GULP1: variants seen among roughly 807,000 people sequenced by gnomAD.
The protein encoded by GULP1 is PTB domain-containing engulfment adapter protein 1.
A neutral mutation model predicts 40.9 loss-of-function variants in GULP1; 19 were observed. That is an observed-to-expected ratio of 0.46 (90% CI 0.32 to 0.68). The LOEUF is 0.68. Ranked by LOEUF, GULP1 falls within the 30% of genes least tolerant of loss-of-function variation. The pLI, the probability that GULP1 is intolerant of heterozygous loss-of-function variation, is 0.03. For missense variants in GULP1, 312 were observed against 362.2 expected (o/e 0.86, Z 1.12); for synonymous variants, 119 against 117.6 (o/e 1.01, Z -0.08).
At chr2:188,497,367 C>A (rs984121554) in intron 4 of GULP1, among the ~76,000 whole-genome samples, 90 of 152,016 alleles carry the variant, frequency 5.9e-4, no homozygotes, top group African/African-American at 2.1e-3. Flanking sequence ...GTCCAAACAA[C>A]AGGACATTAA....
intron 1 of GULP1, among the ~76,000 whole-genome samples, chr2:188,313,055 C>T (rs1318130975): frequency 6.6e-6 from 1 of 152,074 alleles, no homozygotes; most frequent in Non-Finnish European, 1.5e-5. Context: ...AAAATTTTCT[C>T]CCATTCTGTA....
intron 2 of GULP1, among the ~76,000 whole-genome samples, chr2:188,438,383 A>G (rs1198276909): frequency 6.6e-6 from 1 of 150,872 alleles, no homozygotes; most frequent in Non-Finnish European, 1.5e-5. Flanking sequence ...TGTATAGCAT[A>G]TATTATGTAT....
At chr2:188,394,391 T>A (rs1023539951) in intron 2 of GULP1, among the ~76,000 whole-genome samples, 1 of 152,126 alleles carries the variant, frequency 6.6e-6, no homozygotes, top group Non-Finnish European at 1.5e-5. Context: ...TGGGTTTTCT[T>A]TAAAATATCT....
chr2:188,575,253 G>T (rs1052451558), intron 9 of GULP1, among the ~76,000 whole-genome samples: 1 of 151,972 alleles, frequency 6.6e-6, no homozygotes, highest in Admixed American at 6.6e-5. Flanking sequence ...TTTTCATTTT[G>T]TCTCACTTGT....
At chr2:188,551,645 A>G (rs1693472869) in intron 7 of GULP1, among the ~76,000 whole-genome samples, 1 of 151,746 alleles carries the variant, frequency 6.6e-6, no homozygotes, top group South Asian at 2.1e-4. Context: ...TCAGTGCAGG[A>G]ATCCCTTTGA....
At chr2:188,421,998 T>C (rs562610316) in intron 2 of GULP1, among the ~76,000 whole-genome samples, 43 of 152,048 alleles carry the variant, frequency 2.8e-4, no homozygotes, top group African/African-American at 9.9e-4. Flanking sequence ...ATTGTACTTA[T>C]TTATATTTCA....
rs560539572 is a variant in GULP1 at position 188,505,793 on chromosome 2, A to G, written c.91-16963A>G. 2.7e-4 allele frequency among the ~76,000 whole-genome samples: 41 copies of G among 152,028 alleles called. 1 individual carries two copies. Among genetic ancestry groups the G allele is most frequent in the African/African-American group, 9.6e-4 (40 of 41,536 alleles). ...TAAATTAAAGGCATTGAAATAATTT[A>G]TGATATATTTATTGAATGCTGTGCC... On this transcript the variant is annotated intron_variant, in intron 4 of 11. Transcript: ENST00000409830.
At chr2:188,300,549 C>T (rs1047010183) in intron 1 of GULP1, among the ~76,000 whole-genome samples, 1 of 152,082 alleles carries the variant, frequency 6.6e-6, no homozygotes, top group Non-Finnish European at 1.5e-5. Flanking sequence ...CAACAAATTA[C>T]TATCTTATGA....
intron 2 of GULP1, among the ~76,000 whole-genome samples, chr2:188,384,791 T>C (rs12613370): frequency 6.6e-6 from 1 of 152,080 alleles, no homozygotes; most frequent in East Asian, 1.9e-4. Flanking sequence ...CCCCACGCTG[T>C]TCCAAAATCC....
intron 1 of GULP1, among the ~76,000 whole-genome samples, chr2:188,359,880 CA>C (rs1363300135): frequency 6.6e-6 from 1 of 151,874 alleles, no homozygotes; most frequent in Non-Finnish European, 1.5e-5. Flanking sequence ...AGGAATTGTG[CA>C]AAAAGATATA....
chr2:188,548,146 C>G (rs1460286795), intron 7 of GULP1, among the ~76,000 whole-genome samples: 1 of 151,934 alleles, frequency 6.6e-6, no homozygotes, highest in East Asian at 1.9e-4. Context: ...GACAAAAAAG[C>G]ATATAATAAA....
At chr2:188,335,278 T>C (rs924418161) in intron 1 of GULP1, among the ~76,000 whole-genome samples, 7 of 152,198 alleles carry the variant, frequency 4.6e-5, no homozygotes, top group Non-Finnish European at 8.8e-5. Flanking sequence ...AGAGACTTTT[T>C]TGATTAATTC....
At chr2:188,355,229 C>G (rs1040161916) in intron 1 of GULP1, among the ~76,000 whole-genome samples, 1 of 151,440 alleles carries the variant, frequency 6.6e-6, no homozygotes, top group Non-Finnish European at 1.5e-5. Flanking sequence ...TAAAAAAGAT[C>G]AATGAAATGG....
intron 1 of GULP1, among the ~76,000 whole-genome samples, chr2:188,341,504 T>C (rs1229507700): frequency 6.6e-6 from 1 of 152,166 alleles, no homozygotes; most frequent in Admixed American, 6.5e-5. Flanking sequence ...ACTGTTTCTT[T>C]GTTGGGGGAC....
chr2:188,463,385 G>T (rs2059867379), intron 2 of GULP1, among the ~76,000 whole-genome samples: 1 of 152,154 alleles, frequency 6.6e-6, no homozygotes. Flanking sequence ...ACTGTCAGAT[G>T]TATTGGAACT....
intron 2 of GULP1, among the ~76,000 whole-genome samples, chr2:188,447,473 G>A (rs1046803540): frequency 6.6e-6 from 1 of 152,090 alleles, no homozygotes; most frequent in African/African-American, 2.4e-5. Flanking sequence ...AGAAGGCATT[G>A]CTTCATGATA....
At chr2:188,556,299 A>G (rs1559375378) in intron 7 of GULP1, among the ~76,000 whole-genome samples, 1 of 151,934 alleles carries the variant, frequency 6.6e-6, no homozygotes, top group African/African-American at 2.4e-5. Context: ...GATTTGAGAT[A>G]TTTTTTTCTT....
chr2:188,584,255 TTC>T lies in GULP1; in HGVS notation c.610-9_610-8del. 1.3e-6 allele frequency: 2 copies of T among 1,590,136 alleles called. No homozygotes were observed. The highest frequency in any genetic ancestry group is 1.7e-6 in the Non-Finnish European group (2 of 1,159,544). On this transcript the variant is annotated splice_polypyrimidine_tract_variant and splice_region_variant and intron_variant, in intron 9 of 11. Coordinates refer to ENST00000409830, the MANE Select transcript of GULP1 (RefSeq NM_016315.4). ...GAAATATTACCCTAATTCATTTATT[TTC>T]ATTGCAGGCAGGCAGTATGACACCT...
intron 1 of GULP1, among the ~76,000 whole-genome samples, chr2:188,369,581 C>G (rs2152431386): frequency 6.6e-6 from 1 of 152,102 alleles, no homozygotes; most frequent in Non-Finnish European, 1.5e-5. Context: ...TGATCCTCTG[C>G]CATTGGGATG....
Sources: gnomAD v4.1 joint callset for allele counts (sites outside exome capture counted in the v4.1 genomes callset) on GRCh38, gnomAD v4.1.1 for gene constraint, MANE v1.5 for transcripts, NCBI Gene and HGNC (gene_info 2026-07-23, HGNC 2026-07-21) for gene names.